The following LURAP1L variants were observed in gnomAD, a reference collection of about 807,000 sequenced individuals.
LURAP1L encodes the protein leucine rich adaptor protein 1 like.
Under a neutral mutation model 13.8 loss-of-function variants are expected in LURAP1L, and 12 were observed. The ratio of observed to expected loss-of-function variants is 0.87; its 90% confidence interval spans 0.56 to 1.41. The LOEUF is 1.41. Among genes scored for constraint, LURAP1L ranks in the 40% most tolerant of loss-of-function variants. The probability of loss-of-function intolerance (pLI) is 0.00; values close to 1 mark genes in which losing one functional copy is unlikely to be tolerated. For synonymous variants in LURAP1L, 139 were observed against 119.2 expected (o/e 1.17, Z -1.08); for missense variants, 375 against 292.9 (o/e 1.28, Z -2.04).
At chr9:12,819,186 TTTTC>T (rs1251866773) in intron 1 of LURAP1L, among the ~76,000 whole-genome samples, 4 of 152,180 alleles carry the variant, frequency 2.6e-5, no homozygotes, top group African/African-American at 4.8e-5. Context: ...TGAAAAGTAA[TTTTC>T]TTTGTTACTT....
At chr9:12,797,387 T>C (rs1819524108) in intron 1 of LURAP1L, among the ~76,000 whole-genome samples, 1 of 152,016 alleles carries the variant, frequency 6.6e-6, no homozygotes, top group East Asian at 1.9e-4. Flanking sequence ...ACACACAAAA[T>C]GTTAGGAGGT....
rs566524848 is a variant in LURAP1L, at chr9:12,779,216, C to T, written c.312+3189C>T. On this transcript the variant is annotated intron_variant, in intron 1 of 1. Transcript: ENST00000319264. ...GTGAGACTTTACTATGTGTAAGACA[C>T]GGTGCTAGTTAAACATTTTATATGT... Among the ~76,000 whole-genome samples, 6 of 149,490 alleles carry T rather than the reference C, an allele frequency of 4.0e-5. No individual in the cohort carries two copies. The East Asian group carries it at 1.2e-3, about 30-fold the overall frequency.
intron 1 of LURAP1L, among the ~76,000 whole-genome samples, chr9:12,776,834 T>C (rs1819192776): frequency 6.6e-6 from 1 of 152,116 alleles, no homozygotes; most frequent in Non-Finnish European, 1.5e-5. Flanking sequence ...GGAATACTCA[T>C]TCTGGAAGTA....
At chr9:12,779,559 C>A (rs1007684051) in intron 1 of LURAP1L, among the ~76,000 whole-genome samples, 1 of 152,072 alleles carries the variant, frequency 6.6e-6, no homozygotes, top group Non-Finnish European at 1.5e-5. Context: ...CGTGAGCCAC[C>A]GTGTACGGCC....
At chr9:12,787,851 G>A (rs1234450548) in intron 1 of LURAP1L, among the ~76,000 whole-genome samples, 1 of 152,014 alleles carries the variant, frequency 6.6e-6, no homozygotes, top group Non-Finnish European at 1.5e-5. Context: ...AGTGGTTCAC[G>A]CCTGTAATCC....
At chr9:12,786,489 G>C (rs1819352159) in intron 1 of LURAP1L, among the ~76,000 whole-genome samples, 1 of 135,394 alleles carries the variant, frequency 7.4e-6, no homozygotes, top group African/African-American at 2.8e-5. Flanking sequence ...GTTTTTCTGA[G>C]AATAATATTA....
At chr9:12,820,037 G>A (rs1267710021) in intron 1 of LURAP1L, among the ~76,000 whole-genome samples, 1 of 152,156 alleles carries the variant, frequency 6.6e-6, no homozygotes, top group East Asian at 1.9e-4. Context: ...CTGTACTCGA[G>A]CCATATCTCT....
intron 1 of LURAP1L, among the ~76,000 whole-genome samples, chr9:12,806,232 C>T (rs1398070473): frequency 6.6e-6 from 1 of 152,152 alleles, no homozygotes; most frequent in Non-Finnish European, 1.5e-5. Flanking sequence ...CAAGATGGTA[C>T]AGCTGGTTCA....
chr9:12,822,679 T>C lies in LURAP1L; in HGVS notation c.*919T>C, dbSNP rs16929630. Among the ~76,000 whole-genome samples the C allele has an allele frequency of 0.093, 14,136 of 152,244 alleles. 746 individuals are homozygous for C. Among genetic ancestry groups the C allele is most frequent in the South Asian group, 0.18 (889 of 4,820 alleles). On this transcript the variant is annotated 3_prime_UTR_variant, in exon 2 of 2. Transcript: ENST00000319264. ...CTGCTTCCCTAAAGCAGAATTGTTATTCATTTAAGAAGTCTAATATGATAT... is the reference window on the plus strand; with the variant it reads ...CTGCTTCCCTAAAGCAGAATTGTTACTCATTTAAGAAGTCTAATATGATAT...
chr9:12,820,376 G>T (rs897233795), intron 1 of LURAP1L, among the ~76,000 whole-genome samples: 4 of 151,892 alleles, frequency 2.6e-5, no homozygotes, highest in Non-Finnish European at 5.9e-5. Context: ...GGTGGCGGGG[G>T]CCTGTAGTCC....
chr9:12,808,911 A>G (rs1819699437), intron 1 of LURAP1L, among the ~76,000 whole-genome samples: 1 of 152,286 alleles, frequency 6.6e-6, no homozygotes, highest in East Asian at 1.9e-4. Context: ...TGGTTAATGT[A>G]TAAAGAAAAC....
At chr9:12,815,618 T>C (rs1355744247) in intron 1 of LURAP1L, among the ~76,000 whole-genome samples, 1 of 152,176 alleles carries the variant, frequency 6.6e-6, no homozygotes, top group Admixed American at 6.5e-5. Context: ...GATTTTACCA[T>C]ACAAATGTAT....
intron 1 of LURAP1L, among the ~76,000 whole-genome samples, chr9:12,781,267 G>A (rs530556654): frequency 9.2e-5 from 14 of 152,084 alleles, no homozygotes; most frequent in Non-Finnish European, 1.5e-4. Context: ...CACTGTGCCC[G>A]GCCCCTTTTA....
chr9:12,819,219 A>G (rs561893651), intron 1 of LURAP1L, among the ~76,000 whole-genome samples: 1 of 152,186 alleles, frequency 6.6e-6, no homozygotes, highest in African/African-American at 2.4e-5. Flanking sequence ...ATTTATTTTT[A>G]GTGCTTTGTT....
chr9:12,786,253 C>T (rs1250336014), intron 1 of LURAP1L, among the ~76,000 whole-genome samples: 1 of 151,846 alleles, frequency 6.6e-6, no homozygotes, highest in African/African-American at 2.4e-5. Context: ...TATTCTGTCA[C>T]TTCTCCTATA....
At chr9:12,811,839 C>G (rs1253693189) in intron 1 of LURAP1L, among the ~76,000 whole-genome samples, 1 of 152,166 alleles carries the variant, frequency 6.6e-6, no homozygotes, top group East Asian at 1.9e-4. Context: ...CAAGTGAAGG[C>G]CCCTGGATCG....
intron 1 of LURAP1L, among the ~76,000 whole-genome samples, chr9:12,800,013 T>C (rs1393546924): frequency 6.6e-6 from 1 of 152,202 alleles, no homozygotes; most frequent in Non-Finnish European, 1.5e-5. Flanking sequence ...CTCACATAGT[T>C]AACTTTTACA....
chr9:12,779,181 G>C lies in LURAP1L; in HGVS notation c.312+3154G>C, dbSNP rs553309926. Reference sequence around the variant, plus strand: ...TAGATAAGGGTGTACTACTACATTTGGTTACTTTGGTGAGACTTTACTATG... The same window carrying C: ...TAGATAAGGGTGTACTACTACATTTCGTTACTTTGGTGAGACTTTACTATG... On this transcript the variant is annotated intron_variant, in intron 1 of 1. Transcript: ENST00000319264. 5.4e-4 allele frequency among the ~76,000 whole-genome samples: 82 copies of C among 150,996 alleles called. No homozygotes were observed. In the South Asian group the frequency reaches 0.017, roughly 31 times the overall value.
intron 1 of LURAP1L, among the ~76,000 whole-genome samples, chr9:12,801,221 C>G (rs1819581252): frequency 6.6e-6 from 1 of 151,994 alleles, no homozygotes. Context: ...CATCCAAGAG[C>G]ATCCAACCTC....
Sources: allele counts gnomAD v4.1 joint callset (sites outside exome capture counted in the v4.1 genomes callset), GRCh38; gene constraint gnomAD v4.1.1; transcripts MANE v1.5; gene names NCBI Gene and HGNC (gene_info 2026-07-23, HGNC 2026-07-21).